The following FGF14 variants were observed in gnomAD, a reference collection of about 807,000 sequenced individuals.
FGF14 encodes fibroblast growth factor homologous factor 4.
A neutral mutation model predicts 25.5 loss-of-function variants in FGF14; 5 were observed. That is an observed-to-expected ratio of 0.20 (90% CI 0.10 to 0.41). FGF14 has a LOEUF of 0.41. Ranked by LOEUF, FGF14 falls within the 10% of genes least tolerant of loss-of-function variation. The probability of loss-of-function intolerance (pLI) is 1.00; values close to 1 mark genes in which losing one functional copy is unlikely to be tolerated. For missense variants in FGF14, 222 were observed against 320.1 expected (o/e 0.69, Z 2.34); for synonymous variants, 138 against 118.3 (o/e 1.17, Z -1.08).
At chr13:102,046,419 C>G (rs1419828046) in intron 1 of FGF14, among the ~76,000 whole-genome samples, 3 of 152,060 alleles carry the variant, frequency 2.0e-5, no homozygotes, top group African/African-American at 7.2e-5. Flanking sequence ...AAAGCTCTCA[C>G]ATGTTATTAC....
At chr13:101,826,814 T>G (rs921677893) in intron 3 of FGF14, among the ~76,000 whole-genome samples, 1 of 152,028 alleles carries the variant, frequency 6.6e-6, no homozygotes, top group Non-Finnish European at 1.5e-5. Context: ...ATATGTATAA[T>G]TCTAATGTAT....
intron 1 of FGF14, among the ~76,000 whole-genome samples, chr13:102,353,095 T>C (rs1379507724): frequency 6.6e-6 from 1 of 152,162 alleles, no homozygotes; most frequent in Non-Finnish European, 1.5e-5. Context: ...TCACAAGGAA[T>C]TGAAAACCAT....
At chr13:102,306,818 G>A (rs2055407887) in intron 1 of FGF14, among the ~76,000 whole-genome samples, 1 of 152,070 alleles carries the variant, frequency 6.6e-6, no homozygotes, top group African/African-American at 2.4e-5. Flanking sequence ...AAAGGCCAGA[G>A]TCATATATTT....
intron 1 of FGF14, among the ~76,000 whole-genome samples, chr13:101,998,493 A>G (rs1475758391): frequency 6.6e-6 from 1 of 152,234 alleles, no homozygotes; most frequent in Non-Finnish European, 1.5e-5. Context: ...GGACTATCCA[A>G]AGAGGTATGA....
upstream of FGF14, among the ~76,000 whole-genome samples, chr13:101,918,689 A>G (rs986293778): frequency 1.5e-4 from 23 of 152,234 alleles, no homozygotes; most frequent in African/African-American, 4.6e-4. Context: ...GGAAGCAGCC[A>G]CTGCTGGGCT....
chr13:101,782,154 C>G (rs745644238), intron 3 of FGF14, among the ~76,000 whole-genome samples: 1 of 152,170 alleles, frequency 6.6e-6, no homozygotes, highest in Non-Finnish European at 1.5e-5. Flanking sequence ...GTCAGTATTA[C>G]TCTATGTCCC....
intron 1 of FGF14, among the ~76,000 whole-genome samples, chr13:102,154,918 G>A (rs986754181): frequency 1.8e-4 from 28 of 151,936 alleles, no homozygotes; most frequent in African/African-American, 1.4e-4. Flanking sequence ...GACAAAGAAG[G>A]CCATTACATA....
At chr13:101,937,851 G>T (rs534442145) in intron 1 of FGF14, among the ~76,000 whole-genome samples, 13 of 152,210 alleles carry the variant, frequency 8.5e-5, no homozygotes, top group African/African-American at 3.1e-4. Flanking sequence ...GACTGCCTCA[G>T]CCTCCAAAAG....
At chr13:101,955,903 T>C (rs1450245781) in intron 1 of FGF14, among the ~76,000 whole-genome samples, 2 of 152,196 alleles carry the variant, frequency 1.3e-5, no homozygotes, top group South Asian at 2.1e-4. Flanking sequence ...GATGGGTACA[T>C]AAACCAAAGA....
chr13:102,369,900 T>A (rs1312131752), intron 1 of FGF14, among the ~76,000 whole-genome samples: 2 of 152,252 alleles, frequency 1.3e-5, no homozygotes, highest in Non-Finnish European at 2.9e-5. Flanking sequence ...ATTTTAATGC[T>A]GAGCGACAAA....
intron 3 of FGF14, among the ~76,000 whole-genome samples, chr13:101,830,217 T>C (rs913615970): frequency 2.0e-5 from 3 of 152,050 alleles, no homozygotes; most frequent in African/African-American, 4.8e-5. Flanking sequence ...ACCATTTGAT[T>C]TTTTTCTCCA....
intron 1 of FGF14, among the ~76,000 whole-genome samples, chr13:102,241,205 ACT>A (rs1400597133): frequency 1.3e-5 from 2 of 152,000 alleles, no homozygotes; most frequent in African/African-American, 4.8e-5. Flanking sequence ...TAGCTAGAAG[ACT>A]CTGTCGCAAT....
chr13:102,060,994 G>A (rs1271472687), intron 1 of FGF14, among the ~76,000 whole-genome samples: 1 of 152,192 alleles, frequency 6.6e-6, no homozygotes, highest in Non-Finnish European at 1.5e-5. Context: ...CGGACGCCTA[G>A]GGGAGTTCGG....
intron 1 of FGF14, among the ~76,000 whole-genome samples, chr13:102,152,631 G>T (rs1377539481): frequency 6.6e-6 from 1 of 152,114 alleles, no homozygotes; most frequent in Admixed American, 6.6e-5. Flanking sequence ...CACAATACTG[G>T]TGTCAGGGAA....
chr13:101,942,565 G>C (rs1284104785), intron 1 of FGF14, among the ~76,000 whole-genome samples: 1 of 152,124 alleles, frequency 6.6e-6, no homozygotes, highest in African/African-American at 2.4e-5. Flanking sequence ...ATATCTCTCT[G>C]AGAAAACACT....
chr13:102,281,934 A>G (rs1380626454), intron 1 of FGF14, among the ~76,000 whole-genome samples: 3 of 152,110 alleles, frequency 2.0e-5, no homozygotes, highest in Non-Finnish European at 4.4e-5. Context: ...TCTCACAACT[A>G]TACCAAAGAA....
chr13:102,304,358 A>T (rs1356749582), intron 1 of FGF14, among the ~76,000 whole-genome samples: 2 of 152,018 alleles, frequency 1.3e-5, no homozygotes, highest in Non-Finnish European at 2.9e-5. Flanking sequence ...ATTCAGCCCT[A>T]CTATGTCCAA....
Position 102,164,649 on chromosome 13 carries a change from G to A in FGF14, c.208+236822C>T, listed in dbSNP as rs185670549. 4.1e-4 allele frequency among the ~76,000 whole-genome samples: 62 copies of A among 152,266 alleles called. No individual in the cohort carries two copies. In the East Asian group the frequency reaches 0.011, roughly 28 times the overall value. On this transcript the variant is annotated intron_variant, in intron 1 of 4. Transcript: ENST00000376131. The stretch of plus-strand genomic sequence containing the variant: ...CTACATAATCTTTGGGACAGAATGA[G>A]CTAACTATTCTTAATCGGTAGTTAA...
intron 1 of FGF14, among the ~76,000 whole-genome samples, chr13:101,959,747 C>A (rs1414493967): frequency 3.3e-5 from 5 of 152,162 alleles, no homozygotes; most frequent in African/African-American, 9.7e-5. Context: ...TTTATTTGAT[C>A]TTGCACTATA....
Sources: gnomAD v4.1 joint callset for allele counts (sites outside exome capture counted in the v4.1 genomes callset) on GRCh38, gnomAD v4.1.1 for gene constraint, MANE v1.5 for transcripts, NCBI Gene and HGNC (gene_info 2026-07-23, HGNC 2026-07-21) for gene names.